MALRD1: variants seen among roughly 807,000 people sequenced by gnomAD.
MALRD1 encodes MAM and LDL receptor class A domain containing 1, also known as MAM and LDL-receptor class A domain-containing protein 1.
MALRD1 carries 247 observed loss-of-function variants against 242.1 expected under a neutral mutation model. That is an observed-to-expected ratio of 1.02 (90% CI 0.92 to 1.13). The LOEUF is 1.13. MALRD1 is among the 50% of genes most tolerant of loss of function. MALRD1 has a pLI of 0.00. For missense variants in MALRD1, 2,989 were observed against 2,533.1 expected, an observed-to-expected ratio of 1.18 and a Z score of -3.86; for synonymous variants, 995 against 866.6, an observed-to-expected ratio of 1.15 and a Z score of -2.60.
intron 1 of MALRD1, among the ~76,000 whole-genome samples, chr10:19,050,633 T>G (rs1434124320): frequency 6.6e-6 from 1 of 152,204 alleles, no homozygotes; most frequent in African/African-American, 2.4e-5. Context: ...CAGTAACCAT[T>G]CAATACCAAG....
chr10:19,434,294 C>A (rs1834263073), intron 28 of MALRD1, among the ~76,000 whole-genome samples: 1 of 152,050 alleles, frequency 6.6e-6, no homozygotes, highest in Non-Finnish European at 1.5e-5. Context: ...ATTGATCTAA[C>A]CTTCATAATT....
intron 35 of MALRD1, among the ~76,000 whole-genome samples, chr10:19,609,254 C>A (rs1000470304): frequency 6.6e-6 from 1 of 151,946 alleles, no homozygotes; most frequent in Admixed American, 6.6e-5. Context: ...AAGTGTAGGT[C>A]ATGTTGACAC....
chr10:19,201,798 A>C (rs10508577), intron 14 of MALRD1, among the ~76,000 whole-genome samples: 122,116 of 152,074 alleles, frequency 0.8, 49,387 homozygotes, highest in African/African-American at 0.89. Flanking sequence ...TGCTTTACCG[A>C]AGATTTCTAA....
intron 36 of MALRD1, among the ~76,000 whole-genome samples, chr10:19,686,215 A>C (rs2131807215): frequency 6.6e-6 from 1 of 152,266 alleles, no homozygotes; most frequent in South Asian, 2.1e-4. Context: ...CAAGAGGGAA[A>C]CTTGAGCGAT....
intron 28 of MALRD1, among the ~76,000 whole-genome samples, chr10:19,410,669 T>G (rs1349293557): frequency 8.3e-6 from 1 of 121,172 alleles, no homozygotes; most frequent in African/African-American, 3.1e-5. Flanking sequence ...CATCCATTCT[T>G]CCTTCCTTCC....
intron 29 of MALRD1, among the ~76,000 whole-genome samples, chr10:19,473,300 A>C (rs1836585863): frequency 6.6e-6 from 1 of 151,854 alleles, no homozygotes; most frequent in African/African-American, 2.4e-5. Context: ...ATTTTTAAAA[A>C]AGTATTTAAA....
At chr10:19,075,455 A>AAGTTTTCCCC (rs1564375100) in intron 2 of MALRD1, among the ~76,000 whole-genome samples, 1 of 152,048 alleles carries the variant, frequency 6.6e-6, no homozygotes, top group Non-Finnish European at 1.5e-5. Flanking sequence ...GAGAGATTTA[A>AAGTTTTCCCC]AGTTTGAGGA....
chr10:19,206,740 T>C lies in MALRD1; in HGVS notation c.2578+1475T>C, dbSNP rs1308257896. Among the ~76,000 whole-genome samples, 4 of 152,348 alleles carry C rather than the reference T, an allele frequency of 2.6e-5. No homozygotes were observed. The East Asian group carries it at 7.7e-4, about 29-fold the overall frequency. On this transcript the variant is annotated intron_variant, in intron 17 of 39. Coordinates refer to ENST00000454679, the MANE Select transcript of MALRD1 (RefSeq NM_001142308.3). ...ATATATTGAGAGATGCGGTCTTTTATGGAAAGGTGGAGCTAGGCGTATTCC... is the reference window on the plus strand; with the variant it reads ...ATATATTGAGAGATGCGGTCTTTTACGGAAAGGTGGAGCTAGGCGTATTCC...
At chr10:19,121,893 A>G (rs958023540) in intron 5 of MALRD1, among the ~76,000 whole-genome samples, 7 of 152,176 alleles carry the variant, frequency 4.6e-5, no homozygotes, top group African/African-American at 1.4e-4. Context: ...GGGAATAGAA[A>G]GCTTTGAATA....
chr10:19,085,096 G>A (rs1047055463), intron 2 of MALRD1, among the ~76,000 whole-genome samples: 1 of 151,926 alleles, frequency 6.6e-6, no homozygotes, highest in East Asian at 1.9e-4. Flanking sequence ...AGTACAAGAG[G>A]TTTATAGAGA....
chr10:19,347,621 A>T, intron 24 of MALRD1, 150 bp from the exon 25 acceptor site: 1 of 944,230 alleles, frequency 1.1e-6, no homozygotes. Flanking sequence ...TCGCAAACCA[A>T]AATAGTCTCT....
chr10:19,357,575 CTTA>C (rs1186571310), intron 26 of MALRD1, among the ~76,000 whole-genome samples: 9 of 152,030 alleles, frequency 5.9e-5, no homozygotes, highest in African/African-American at 7.2e-5. Flanking sequence ...ACTATAAAAT[CTTA>C]TTATTTATTG....
At chr10:19,662,567 A>G (rs2131736641) in intron 36 of MALRD1, among the ~76,000 whole-genome samples, 1 of 152,354 alleles carries the variant, frequency 6.6e-6, no homozygotes, top group East Asian at 1.9e-4. Flanking sequence ...TAAAGAATAT[A>G]AAGCAGTGTG....
At chr10:19,155,792 G>T (rs971527654) in intron 12 of MALRD1, among the ~76,000 whole-genome samples, 6 of 152,128 alleles carry the variant, frequency 3.9e-5, no homozygotes, top group Non-Finnish European at 7.3e-5. Context: ...AAGCATACAC[G>T]ATTATATGGA....
At chr10:19,333,327 T>C (rs975184853) in intron 24 of MALRD1, among the ~76,000 whole-genome samples, 2 of 152,074 alleles carry the variant, frequency 1.3e-5, no homozygotes, top group African/African-American at 4.8e-5. Context: ...TCCCCAGCTC[T>C]TATTGTTCCC....
intron 28 of MALRD1, among the ~76,000 whole-genome samples, chr10:19,436,335 T>C (rs929145400): frequency 2.6e-5 from 4 of 152,192 alleles, no homozygotes; most frequent in African/African-American, 7.2e-5. Flanking sequence ...TGTATCTAAA[T>C]TGATCTAAAT....
intron 5 of MALRD1, among the ~76,000 whole-genome samples, chr10:19,113,813 A>ACACACACT (rs1190377463): frequency 1.4e-5 from 2 of 146,768 alleles, no homozygotes; most frequent in Non-Finnish European, 3.0e-5. Context: ...ACACACACAC[A>ACACACACT]CACACACACA....
intron 36 of MALRD1, among the ~76,000 whole-genome samples, chr10:19,664,357 A>G (rs1841578733): frequency 6.6e-6 from 1 of 152,006 alleles, no homozygotes; most frequent in African/African-American, 2.4e-5. Flanking sequence ...TATATTATCT[A>G]ATCATCAGAA....
chr10:19,539,548 T>C (rs1244131092), intron 32 of MALRD1, among the ~76,000 whole-genome samples: 1 of 152,232 alleles, frequency 6.6e-6, no homozygotes, highest in Non-Finnish European at 1.5e-5. Flanking sequence ...AATGGCATCA[T>C]GGTTACTTAA....
Sources: gnomAD v4.1 joint callset for allele counts (sites outside exome capture counted in the v4.1 genomes callset) on GRCh38, gnomAD v4.1.1 for gene constraint, MANE v1.5 for transcripts, NCBI Gene and HGNC (gene_info 2026-07-23, HGNC 2026-07-21) for gene names.